The following HMCN1 variants were observed in gnomAD, a reference collection of about 807,000 sequenced individuals.
HMCN1 encodes the protein hemicentin-1.
HMCN1 carries 321 observed loss-of-function variants against 625.9 expected under a neutral mutation model. That is an observed-to-expected ratio of 0.51 (90% CI 0.47 to 0.56). HMCN1 has a LOEUF of 0.56. Ranked by LOEUF, HMCN1 falls within the 20% of genes least tolerant of loss-of-function variation. HMCN1 has a pLI of 0.00. For missense variants in HMCN1, 6,588 were observed against 6,887.3 expected, an observed-to-expected ratio of 0.96 and a Z score of 1.54; for synonymous variants, 2,425 against 2,417.6, an observed-to-expected ratio of 1.00 and a Z score of -0.09.
chr1:185,911,730 G>T lies in HMCN1; in HGVS notation c.850G>T (p.Ala284Ser). 6.2e-7 allele frequency: 1 copy of T among 1,613,610 alleles called. No homozygotes were observed. Among genetic ancestry groups the T allele is most frequent in the Non-Finnish European group, 8.5e-7 (1 of 1,179,630 alleles). Residue 284 changes from alanine to serine, a missense_variant, in exon 6 of 107, where the codon GCC (alanine) becomes TCC (serine). Ala to Ser is a moderately conservative substitution (Grantham distance 99, BLOSUM62 1). Coordinates refer to ENST00000271588, the MANE Select transcript of HMCN1 (RefSeq NM_031935.3). Reference sequence around the variant, plus strand: ...TGAGCTATTAAATATCCATAACTCTGCCAAAGTAGTGAATGTGAAAGAGCC... The same window carrying T: ...TGAGCTATTAAATATCCATAACTCTTCCAAAGTAGTGAATGTGAAAGAGCC... ...LHELLNIHNS[A>S]KVVNVKEPEA... is the part of the protein sequence containing the mutation.
At chr1:186,154,021 C>A in intron 97 of HMCN1, 34 bp downstream of exon 97, 1 of 1,539,146 alleles carries the variant, frequency 6.5e-7, no homozygotes, top group Non-Finnish European at 9.0e-7. Context: ...TATCTTTATG[C>A]CATCCAGTCT....
In HMCN1 at chr1:186,041,485, CA is replaced by C. The variant is rs1325717735; in HGVS notation, c.6304+352del. ...AGTAGCTCTCTTCATTCATTCTACT[CA>C]AAGCCATGATTTTATTACTTTCTAA... On this transcript the variant is annotated intron_variant, in intron 40 of 106. Coordinates refer to ENST00000271588, the MANE Select transcript of HMCN1 (RefSeq NM_031935.3). Among the ~76,000 whole-genome samples the C allele has an allele frequency of 2.0e-5, 3 of 152,180 alleles. No homozygotes were observed. In the East Asian group the frequency reaches 5.8e-4, roughly 29 times the overall value.
Position 186,103,583 on chromosome 1 carries a change from G to T in HMCN1, c.10685G>T (p.Trp3562Leu). Reference protein sequence around the residue: ...ASGIPAPKMTWMKDGRPLPQT... With the variant: ...ASGIPAPKMTLMKDGRPLPQT... ...GGAATCCCAGCCCCTAAAATGACCT[G>T]GATGAAAGATGGCCGGCCCCTTCCA... Residue 3562 changes from tryptophan to leucine, a missense_variant, in exon 69 of 107, where the codon TGG (tryptophan) becomes TTG (leucine). Coordinates refer to ENST00000271588, the MANE Select transcript of HMCN1 (RefSeq NM_031935.3). The T allele has an allele frequency of 6.2e-7, 1 of 1,613,876 alleles. No individual in the cohort carries two copies. The highest frequency in any genetic ancestry group is 8.5e-7 in the Non-Finnish European group (1 of 1,179,880).
intron 23 of HMCN1, 131 bp downstream of exon 23, chr1:185,993,440 T>A: frequency 1.1e-6 from 1 of 925,694 alleles, no homozygotes; most frequent in Non-Finnish European, 1.6e-6. Context: ...CTCTAAAATC[T>A]GAGACTTGTG....
At chr1:185,852,040 T>C (rs969544444) in intron 2 of HMCN1, among the ~76,000 whole-genome samples, 30 of 151,976 alleles carry the variant, frequency 2.0e-4, no homozygotes, top group African/African-American at 7.0e-4. Flanking sequence ...GATAGAGTTA[T>C]GAAGATGATA....
chr1:186,008,298 TTGAAATGTAGC>T (rs534582187), intron 30 of HMCN1, among the ~76,000 whole-genome samples: 5 of 152,112 alleles, frequency 3.3e-5, no homozygotes, highest in Non-Finnish European at 5.9e-5. Context: ...TATTGAGCAC[TTGAAATGTAGC>T]TAGTCCAAAC....
chr1:185,890,193 TTCTC>T (rs1167500139), intron 4 of HMCN1, among the ~76,000 whole-genome samples: 1 of 146,352 alleles, frequency 6.8e-6, no homozygotes, highest in African/African-American at 2.8e-5. Flanking sequence ...TATTTGAGTC[TTCTC>T]TCTTTTTTTC....
In HMCN1 at chr1:185,977,905, C is replaced by T; in HGVS notation, c.2490C>T (p.Asp830=). ...PEPTIKWRRL[D]NMPIFSRPFS... ...CAACAATCAAATGGCGAAGATTAGA[C>T]AACATGCCAATTTTCTCAAGACCTT... Residue 830 remains aspartate, a synonymous_variant, in exon 16 of 107, where the codon GAC becomes GAT. Coordinates refer to ENST00000271588, the MANE Select transcript of HMCN1 (RefSeq NM_031935.3). 1 of 1,613,284 alleles carries T rather than the reference C, an allele frequency of 6.2e-7. No individual in the cohort carries two copies. Among genetic ancestry groups the T allele is most frequent in the South Asian group, 1.1e-5 (1 of 91,072 alleles).
intron 36 of HMCN1, among the ~76,000 whole-genome samples, chr1:186,030,381 G>A (rs1291923873): frequency 6.6e-6 from 1 of 151,938 alleles, no homozygotes; most frequent in Non-Finnish European, 1.5e-5. Context: ...TGTTATGTAC[G>A]TATGTATTTA....
chr1:186,099,508 C>T (rs1018759461), intron 68 of HMCN1, among the ~76,000 whole-genome samples: 12 of 152,024 alleles, frequency 7.9e-5, no homozygotes, highest in African/African-American at 2.7e-4. Flanking sequence ...TAATTATGAA[C>T]ATGTGTGGTG....
intron 52 of HMCN1, among the ~76,000 whole-genome samples, chr1:186,072,352 A>T (rs1351258439): frequency 6.6e-6 from 1 of 152,196 alleles, no homozygotes; most frequent in East Asian, 1.9e-4. Flanking sequence ...AAAAAAATTT[A>T]AATTATGCTA....
intron 44 of HMCN1, among the ~76,000 whole-genome samples, chr1:186,055,017 G>A (rs116373403): frequency 6.6e-5 from 10 of 152,098 alleles, no homozygotes; most frequent in African/African-American, 2.2e-4. Flanking sequence ...GGATAAAGGA[G>A]TTAGTAACAG....
chr1:186,145,408 G>C lies in HMCN1; in HGVS notation c.14272G>C (p.Gly4758Arg). 6.4e-7 allele frequency: 1 copy of C among 1,573,800 alleles called. No homozygotes were observed. Among genetic ancestry groups the C allele is most frequent in the East Asian group, 2.2e-5 (1 of 44,468 alleles). ...FCNSDPCPTHGNWSPWSGWGT... is the reference protein window; with the variant it reads ...FCNSDPCPTHRNWSPWSGWGT... ...CAGATTATTCTGTCTTGTAGCCCATGGTAACTGGAGTCCTTGGAGTGGCTG... is the reference window on the plus strand; with the variant it reads ...CAGATTATTCTGTCTTGTAGCCCATCGTAACTGGAGTCCTTGGAGTGGCTG... Residue 4758 changes from glycine (G) to arginine (R), a missense_variant, in exon 92 of 107, where the codon GGT becomes CGT. By Grantham distance (125) the Gly-to-Arg change is moderately radical. Transcript: ENST00000271588.
chr1:186,057,428 A>C (rs1468986667), intron 46 of HMCN1, 27 bp downstream of exon 46: 1 of 1,497,308 alleles, frequency 6.7e-7, no homozygotes, highest in Non-Finnish European at 9.3e-7. Context: ...TAGCCTTATA[A>C]TCTTGTTAGC....
intron 1 of HMCN1, among the ~76,000 whole-genome samples, chr1:185,781,710 AG>A (rs1657125997): frequency 6.6e-6 from 1 of 152,188 alleles, no homozygotes; most frequent in Admixed American, 6.5e-5. Context: ...GTGGTCTGAG[AG>A]ACAGTTTATT....
At chr1:185,912,676 C>A (rs1666491418) in intron 6 of HMCN1, among the ~76,000 whole-genome samples, 1 of 152,024 alleles carries the variant, frequency 6.6e-6, no homozygotes, top group Non-Finnish European at 1.5e-5. Context: ...GGAATTAACA[C>A]CCCTCGGGAG....
At chr1:185,888,345 G>T (rs1302248873) in intron 4 of HMCN1, among the ~76,000 whole-genome samples, 1 of 142,930 alleles carries the variant, frequency 7.0e-6, no homozygotes, top group East Asian at 1.9e-4. Context: ...GTCTTTTGTT[G>T]CCATTGCTTT....
At chr1:185,767,117 T>G (rs1655927828) in intron 1 of HMCN1, among the ~76,000 whole-genome samples, 2 of 152,158 alleles carry the variant, frequency 1.3e-5, no homozygotes, top group Admixed American at 1.3e-4. Flanking sequence ...TTTTGTGAAA[T>G]GTACTTTATG....
intron 14 of HMCN1, among the ~76,000 whole-genome samples, chr1:185,967,928 T>A (rs1324934468): frequency 6.6e-6 from 1 of 152,188 alleles, no homozygotes; most frequent in Non-Finnish European, 1.5e-5. Flanking sequence ...AGGAATTCCA[T>A]AAGCACAAAT....
Sources: allele counts gnomAD v4.1 joint callset (sites outside exome capture counted in the v4.1 genomes callset), GRCh38; gene constraint gnomAD v4.1.1; transcripts MANE v1.5; gene names NCBI Gene and HGNC (gene_info 2026-07-23, HGNC 2026-07-21).